The following PDE8B variants were observed in gnomAD, a reference collection of about 807,000 sequenced individuals.
PDE8B encodes phosphodiesterase 8B, also known as high affinity cAMP-specific and IBMX-insensitive 3',5'-cyclic phosphodiesterase 8B.
A neutral mutation model predicts 101.3 loss-of-function variants in PDE8B; 26 were observed. The observed-to-expected ratio is 0.26, with a 90% confidence interval of 0.19 to 0.36. The LOEUF is 0.36. Ranked by LOEUF, PDE8B falls within the 10% of genes least tolerant of loss-of-function variation. The pLI is 1.00. For synonymous variants in PDE8B, 424 were observed against 429.3 expected, an observed-to-expected ratio of 0.99 and a Z score of 0.15; for missense variants, 810 against 1,163.1, an observed-to-expected ratio of 0.70 and a Z score of 4.42.
At chr5:77,407,878 A>T (rs1441111717) in intron 13 of PDE8B, among the ~76,000 whole-genome samples, 1 of 152,166 alleles carries the variant, frequency 6.6e-6, no homozygotes, top group East Asian at 1.9e-4. Flanking sequence ...GGAGCTTGGT[A>T]AGCAGGTGAG....
chr5:77,245,331 A>C (rs1756632825), intron 1 of PDE8B, among the ~76,000 whole-genome samples: 1 of 152,246 alleles, frequency 6.6e-6, no homozygotes, highest in Admixed American at 6.5e-5. Context: ...TAGGGGGAGC[A>C]TTAAAATAAA....
At chr5:77,342,981 G>A (rs1285748487) in intron 6 of PDE8B, among the ~76,000 whole-genome samples, 12 of 152,162 alleles carry the variant, frequency 7.9e-5, no homozygotes, top group Non-Finnish European at 4.4e-5. Flanking sequence ...CTAATTGTTG[G>A]AGACTTAACT....
chr5:77,358,150 T>G (rs1046221828), intron 10 of PDE8B, among the ~76,000 whole-genome samples: 5 of 152,010 alleles, frequency 3.3e-5, no homozygotes, highest in African/African-American at 1.2e-4. Context: ...ACTAACAGAG[T>G]CTAATATCTC....
In PDE8B at chr5:77,228,297, T is replaced by C. The variant is rs1438024912; in HGVS notation, c.339+17033T>C. On this transcript the variant is annotated intron_variant, in intron 1 of 21. Coordinates refer to ENST00000264917, the MANE Select transcript of PDE8B (RefSeq NM_003719.5). ...TATCAGTAAGATGGTAGTCATATTATGGATGTGGAAGAGAGGATTACACAA... is the reference window on the plus strand; with the variant it reads ...TATCAGTAAGATGGTAGTCATATTACGGATGTGGAAGAGAGGATTACACAA... Among the ~76,000 whole-genome samples the C allele has an allele frequency of 2.0e-5, 3 of 152,074 alleles. No individual in the cohort carries two copies. The East Asian group carries it at 5.8e-4, about 29-fold the overall frequency.
At chr5:77,110,345 T>C in the PDE8B span, among the ~76,000 whole-genome samples, 2 of 152,214 alleles carry the variant, frequency 1.3e-5, no homozygotes, top group South Asian at 2.1e-4. Context: ...TACTGTGAGA[T>C]AGATATGACT....
intron 1 of PDE8B, among the ~76,000 whole-genome samples, chr5:77,212,165 TG>T (rs1357791919): frequency 1.8e-4 from 28 of 152,236 alleles, no homozygotes; most frequent in Admixed American, 1.8e-3. Flanking sequence ...TGTGTAAATC[TG>T]GGCACTGGGT....
At chr5:77,405,135 T>TC (rs1169114935) in intron 12 of PDE8B, among the ~76,000 whole-genome samples, 1 of 152,182 alleles carries the variant, frequency 6.6e-6, no homozygotes, top group Non-Finnish European at 1.5e-5. Flanking sequence ...AGTCCTGGCT[T>TC]CCCAACTCCC....
intron 1 of PDE8B, among the ~76,000 whole-genome samples, chr5:77,274,491 A>G (rs13355167): frequency 0.26 from 39,165 of 152,188 alleles, 5,618 homozygotes; most frequent in East Asian, 0.47. Flanking sequence ...GACATGTCCC[A>G]GGTGCTATGC....
chr5:77,170,864 C>T, the PDE8B span, among the ~76,000 whole-genome samples: 27 of 152,314 alleles, frequency 1.8e-4, no homozygotes, highest in Admixed American at 1.2e-3. Context: ...CTAATTCATT[C>T]ATTCATTTAG....
At chr5:77,270,072 G>A (rs1465761738) in intron 1 of PDE8B, among the ~76,000 whole-genome samples, 4 of 152,064 alleles carry the variant, frequency 2.6e-5, no homozygotes, top group Admixed American at 6.6e-5. Context: ...TAGTATGGAC[G>A]TCTTAACAGT....
chr5:77,391,244 C>T (rs1561638261), intron 10 of PDE8B, among the ~76,000 whole-genome samples: 2 of 152,168 alleles, frequency 1.3e-5, no homozygotes, highest in Admixed American at 6.5e-5. Flanking sequence ...GGAAGAGGTA[C>T]GTGGATAATC....
Position 77,210,822 on chromosome 5 carries a change from T to G in PDE8B, c.-104T>G, listed in dbSNP as rs1245867970. 6 of 985,820 alleles carry G rather than the reference T, an allele frequency of 6.1e-6. No individual in the cohort carries two copies. The highest frequency in any genetic ancestry group is 5.2e-4 in the Middle Eastern group (1 of 1,932). The allele number at this position is 985,820 out of a possible 1,614,324, so 61.1% of individuals were successfully genotyped here. On this transcript the variant is annotated 5_prime_UTR_variant, in exon 1 of 22. Transcript: ENST00000264917. This position sits in a 1 kb window ranked among gnomAD's most constrained non-coding sequence, Gnocchi z 4.9. Reference sequence around the variant, plus strand: ...GACACACAGGCCGGGGGGCGCGCAGTCCGGGCGCCGCCGCGGCCGCCCCCT... The same window carrying G: ...GACACACAGGCCGGGGGGCGCGCAGGCCGGGCGCCGCCGCGGCCGCCCCCT...
intron 1 of PDE8B, among the ~76,000 whole-genome samples, chr5:77,220,461 C>T (rs556843863): frequency 6.6e-6 from 1 of 152,270 alleles, no homozygotes; most frequent in East Asian, 1.9e-4. Flanking sequence ...ACTTTGAATC[C>T]TAAAACACAA....
chr5:77,290,434 G>T (rs1474892265), intron 1 of PDE8B: 35 of 1,446,554 alleles, frequency 2.4e-5, no homozygotes, highest in Non-Finnish European at 3.2e-5. Flanking sequence ...CGACAGGCCA[G>T]TGTGGCAGAC....
chr5:77,330,211 G>C (rs933966947), intron 4 of PDE8B, among the ~76,000 whole-genome samples: 1 of 152,104 alleles, frequency 6.6e-6, no homozygotes, highest in African/African-American at 2.4e-5. Context: ...TAGAGTCTTG[G>C]ACATCAATAC....
chr5:77,291,891 A>T lies in PDE8B; in HGVS notation c.340-20103A>T, dbSNP rs148044470. 1,774 of 1,192,652 alleles carry T rather than the reference A, an allele frequency of 1.5e-3. 3 individuals are homozygous for T. The highest frequency in any genetic ancestry group is 1.6e-3 in the Non-Finnish European group (1,285 of 815,166). 73.9% of individuals were successfully genotyped at this position (1,192,652 alleles called of 1,614,324 possible). A position where few individuals can be genotyped will look rare whatever the true frequency, so the allele number is the denominator to read the frequency against. ...AGAAAATTAAAGTTTTCCTTGAATA[A>T]ATGCATTATTATGACTGTGACAGTG... On this transcript the variant is annotated intron_variant, in intron 1 of 21. Transcript: ENST00000264917.
chr5:77,290,930 CT>C (rs967581263), intron 1 of PDE8B: 1 of 1,609,882 alleles, frequency 6.2e-7, no homozygotes. Flanking sequence ...CAATTTGTTC[CT>C]TGACTTGTGG....
intron 10 of PDE8B, among the ~76,000 whole-genome samples, chr5:77,359,013 T>C (rs2150531926): frequency 6.6e-6 from 1 of 152,276 alleles, no homozygotes; most frequent in African/African-American, 2.4e-5. Flanking sequence ...AACCACATTT[T>C]TTTTTCCTGA....
chr5:77,203,195 C>T, the PDE8B span, among the ~76,000 whole-genome samples: 1 of 152,166 alleles, frequency 6.6e-6, no homozygotes, highest in African/African-American at 2.4e-5. Flanking sequence ...AGTGTTCCCA[C>T]CTCTAGGCCT....
Sources: gnomAD v4.1 joint callset for allele counts (sites outside exome capture counted in the v4.1 genomes callset) on GRCh38, gnomAD v4.1.1 for gene constraint, Gnocchi (gnomAD v3.1) non-coding constraint, MANE v1.5 for transcripts, NCBI Gene and HGNC (gene_info 2026-07-23, HGNC 2026-07-21) for gene names.